HELZ2: variants seen among roughly 807,000 people sequenced by gnomAD.
HELZ2 encodes helicase with zinc finger 2.
In HELZ2, 143 loss-of-function variants were observed where a neutral mutation model predicts 208.8. That is an observed-to-expected ratio of 0.68 (90% CI 0.60 to 0.79). HELZ2 has a LOEUF of 0.79. Ranked by LOEUF, HELZ2 falls within the 30% of genes least tolerant of loss-of-function variation. HELZ2 has a pLI of 0.00. For synonymous variants in HELZ2, 1,705 were observed against 1,693.7 expected, an observed-to-expected ratio of 1.01 and a Z score of -0.16; for missense variants, 3,690 against 3,794.5, an observed-to-expected ratio of 0.97 and a Z score of 0.72.
chr20:63,574,207 C>G (rs1205811512), upstream of HELZ2: 1 of 151,814 alleles, frequency 6.6e-6, no homozygotes, highest in East Asian at 1.9e-4. Flanking sequence ...CCTGCCCTGC[C>G]GAGCCTGCCC....
Position 63,566,835 on chromosome 20 carries a change from C to G in HELZ2, c.2514+9G>C. ...CGGTCGGGGGCTGTCCCGGGCTGGC[C>G]GGGCTCACCTGGGCACCGTGGGAAA... On this transcript the variant is annotated intron_variant, in intron 6 of 18. Coordinates refer to ENST00000467148, the Ensembl canonical transcript of HELZ2. The G allele has an allele frequency of 6.3e-7, 1 of 1,584,226 alleles. No individual in the cohort carries two copies. Among genetic ancestry groups the G allele is most frequent in the Non-Finnish European group, 8.6e-7 (1 of 1,169,238 alleles).
exon 8 of HELZ2, chr20:63,565,502 G>A: frequency 6.2e-7 from 1 of 1,606,454 alleles, no homozygotes; most frequent in South Asian, 1.1e-5. Context: ...GTACAGCCGG[G>A]CCTGCTGCAG....
rs370784417 is a variant in HELZ2 at position 63,564,599 on chromosome 20, G to C, written c.4223C>G (p.Pro1408Arg). The change falls in exon 8 of 19, where the codon CCG (proline) becomes CGG (arginine). Residue 1408 changes from proline to arginine, a missense_variant. Pro to Arg is a moderately radical substitution (Grantham distance 103, BLOSUM62 -2). This residue lies in a region of HELZ2 where 2,564 missense variants were observed against 2,580.5 expected (regional missense o/e 0.99). Transcript: ENST00000467148. ...GAGGACGTCCTGGCAGAGGCTGGCC[G>C]GCAGCATGGGCACTGGCTCCCTGCC... 1.9e-6 allele frequency: 3 copies of C among 1,566,216 alleles called. No homozygotes were observed. In the African/African-American group the frequency reaches 4.1e-5, roughly 21 times the overall value.
rs11551684 is a variant in HELZ2 at position 63,561,666 on chromosome 20, C to T, written c.6771G>A (p.Pro2257=). Residue 2257 remains proline (P), a synonymous_variant, in exon 12 of 19, where the codon CCG becomes CCA. Transcript: ENST00000467148. The stretch of plus-strand genomic sequence containing the variant: ...TGAGCAGCTTCCTGCTGCCCACACG[C>T]GGCACTGGGAACTCGCTGGCCTCAG... 299,736 of 1,611,804 alleles carry T rather than the reference C, an allele frequency of 0.19. 34,105 individuals carry two copies. The highest frequency in any genetic ancestry group is 0.59 in the East Asian group (26,353 of 44,838).
chr20:63,566,142 C>A (rs374422407), exon 8 of HELZ2: 1 of 1,565,414 alleles, frequency 6.4e-7, no homozygotes, highest in South Asian at 1.2e-5. Context: ...ACGCGGGCGT[C>A]GGTGAAGAAC....
exon 10 of HELZ2, chr20:63,562,166 G>T (rs768841440): frequency 6.2e-7 from 1 of 1,611,996 alleles, no homozygotes; most frequent in Non-Finnish European, 8.5e-7. Flanking sequence ...CTCCGGGGAT[G>T]TTGTAGGTCT....
At chr20:63,567,562 G>C (rs1171287717) in exon 6 of HELZ2, 3 of 1,583,398 alleles carry the variant, frequency 1.9e-6, no homozygotes, top group Non-Finnish European at 1.7e-6. Flanking sequence ...ACGGAGAGGA[G>C]TGGCCTCGGG....
At position 63,563,432 on chromosome 20, in the gene HELZ2, C is replaced by T. The variant is rs541856480; in HGVS notation, c.5390G>A (p.Arg1797His). 1.0e-4 allele frequency: 158 copies of T among 1,530,530 alleles called. 1 individual carries two copies. In the African/African-American group the frequency reaches 1.5e-3, roughly 14 times the overall value. 94.8% of individuals were successfully genotyped at this position (1,530,530 alleles called of 1,614,324 possible). A position where few individuals can be genotyped will look rare whatever the true frequency, so the allele number is the denominator to read the frequency against. ...GGATCCCTGCGCTGAGTAGACACGG[C>T]GCCGCCACAGGAGCCGCAGGCCCGG... Residue 1797 changes from arginine (R) to histidine (H), a missense_variant, in exon 8 of 19, where the codon CGC becomes CAC. Arg to His is a conservative substitution (Grantham distance 29, BLOSUM62 0). Around this residue, in one of 3 missense-constraint regions of HELZ2, gnomAD observed 2,564 missense variants for 2,580.5 expected, o/e 0.99. Coordinates refer to ENST00000467148, the Ensembl canonical transcript of HELZ2.
exon 18 of HELZ2, chr20:63,560,015 A>C: frequency 5.0e-6 from 8 of 1,611,802 alleles, no homozygotes; most frequent in Non-Finnish European, 6.8e-6. Flanking sequence ...TTCTTGAGCC[A>C]GCTCTTGGTG....
At chr20:63,573,867 C>T (rs1223204660), upstream of HELZ2, among the ~76,000 whole-genome samples, 1 of 152,146 alleles carries the variant, frequency 6.6e-6, no homozygotes, top group Non-Finnish European at 1.5e-5. The surrounding 1 kb of genome is among the most constrained non-coding windows in gnomAD (Gnocchi z 4.9). Context: ...CGGCACTCCC[C>T]GCGGACCCCT....
intron 1 of HELZ2, chr20:63,571,157 CCCG>C (rs1253478881): frequency 0.032 from 12,270 of 389,450 alleles, 451 homozygotes; most frequent in East Asian, 0.094. Context: ...GGGCTCCTGC[CCCG>C]CTCCAAGCTC....
exon 8 of HELZ2, chr20:63,564,620 C>T (rs1230469591): frequency 1.3e-6 from 2 of 1,568,408 alleles, no homozygotes; most frequent in African/African-American, 2.7e-5. Context: ...CACTGGCTCC[C>T]TGCCGGGGGC....
chr20:63,562,660 C>T (rs770783750), exon 8 of HELZ2: 1 of 1,597,100 alleles, frequency 6.3e-7, no homozygotes, highest in East Asian at 2.3e-5. Context: ...CTGCCCGGCG[C>T]TCCTGGTCCC....
chr20:63,563,016 G>A (rs142029656), exon 8 of HELZ2: 96 of 1,600,240 alleles, frequency 6.0e-5, no homozygotes, highest in Middle Eastern at 3.3e-4. Flanking sequence ...TCCACGTCGC[G>A]GTACCGGTCC....
At chr20:63,573,983 G>A (rs1318193240), upstream of HELZ2, among the ~76,000 whole-genome samples, 60 of 152,128 alleles carry the variant, frequency 3.9e-4, 1 homozygote, top group Admixed American at 3.9e-3. This position sits in a 1 kb window ranked among gnomAD's most constrained non-coding sequence, Gnocchi z 4.9. Flanking sequence ...TTGCTGCGGA[G>A]GGTGCTGGTC....
chr20:63,561,329 C>G, intron 13 of HELZ2, 21 bp downstream of exon 14: 2 of 1,612,656 alleles, frequency 1.2e-6, no homozygotes, highest in Non-Finnish European at 1.7e-6. Flanking sequence ...GCAGCTCCAC[C>G]CCCTGGCCCC....
exon 19 of HELZ2, chr20:63,559,224 C>G: frequency 6.6e-7 from 1 of 1,513,712 alleles, no homozygotes; most frequent in Non-Finnish European, 8.9e-7. Flanking sequence ...AGTCCTGGCA[C>G]CTTGCAGGTG....
chr20:63,561,950 T>C, exon 11 of HELZ2: 2 of 1,602,286 alleles, frequency 1.2e-6, no homozygotes, highest in South Asian at 2.2e-5. Context: ...GAAACCAGAA[T>C]ACGATGTGGA....
At position 63,569,547 on chromosome 20, in the gene HELZ2, C is replaced by G. The variant is rs201565879; in HGVS notation, c.689G>C (p.Ser230Thr). The change falls in exon 4 of 19, where the codon AGC (serine) becomes ACC (threonine). Residue 230 changes from serine (S) to threonine (T), a missense_variant. Transcript: ENST00000467148. The stretch of plus-strand genomic sequence containing the variant: ...TCCCACCTGGAAGTCGGCAGTGGAG[C>G]TGGGCACACGGAAGCGCTCACCCCG... The G allele has an allele frequency of 4.4e-6, 7 of 1,605,432 alleles. No individual in the cohort carries two copies. In the Admixed American group the frequency reaches 1.0e-4, roughly 23 times the overall value.
Sources: gnomAD v4.1 joint callset for allele counts (sites outside exome capture counted in the v4.1 genomes callset) on GRCh38, gnomAD v4.1.1 for gene constraint, gnomAD v4.1.1 regional missense constraint, Gnocchi (gnomAD v3.1) non-coding constraint, MANE v1.5 for transcripts, NCBI Gene and HGNC (gene_info 2026-07-23, HGNC 2026-07-21) for gene names.